HIVEP2: variants seen among roughly 807,000 people sequenced by gnomAD.
HIVEP2 encodes the protein HIVEP zinc finger 2.
Under a neutral mutation model 180.7 loss-of-function variants are expected in HIVEP2, and 14 were observed. The observed-to-expected ratio is 0.08, with a 90% CI of 0.05 to 0.12. The LOEUF (loss-of-function observed/expected upper bound fraction) is 0.12. HIVEP2 is among the 10% of genes least tolerant of loss of function. The pLI is 1.00. For synonymous variants in HIVEP2, 1,184 were observed against 1,136.4 expected, an observed-to-expected ratio of 1.04 and a Z score of -0.84; for missense variants, 2,579 against 3,008.5, an observed-to-expected ratio of 0.86 and a Z score of 3.34.
intron 1 of HIVEP2, among the ~76,000 whole-genome samples, chr6:142,841,371 T>TTAA (rs1562260195): frequency 1.3e-5 from 2 of 152,120 alleles, no homozygotes; most frequent in Non-Finnish European, 2.9e-5. Flanking sequence ...AATGGAACTT[T>TTAA]TGTTCAGACT....
intron 1 of HIVEP2, among the ~76,000 whole-genome samples, chr6:142,871,760 A>C (rs551664488): frequency 6.6e-6 from 1 of 152,158 alleles, no homozygotes; most frequent in Non-Finnish European, 1.5e-5. Flanking sequence ...TAGTTTGCCT[A>C]TCCCCTCCAG....
chr6:142,929,014 G>T (rs887991189), intron 1 of HIVEP2, among the ~76,000 whole-genome samples: 5 of 152,202 alleles, frequency 3.3e-5, no homozygotes, highest in African/African-American at 1.2e-4. Flanking sequence ...TACTGTAGTG[G>T]ATATCTGTTT....
chr6:142,793,659 T>TTTTC (rs1776204378), intron 2 of HIVEP2, among the ~76,000 whole-genome samples: 1 of 106,120 alleles, frequency 9.4e-6, no homozygotes, highest in African/African-American at 3.4e-5. Flanking sequence ...TTTCTTTCTT[T>TTTTC]TTTCTTTCTT....
At chr6:142,824,226 CTG>C (rs1441525761) in intron 2 of HIVEP2, among the ~76,000 whole-genome samples, 2 of 152,092 alleles carry the variant, frequency 1.3e-5, no homozygotes, top group African/African-American at 4.8e-5. Flanking sequence ...AAGAGTCAGT[CTG>C]TTTAAATTTT....
intron 1 of HIVEP2, among the ~76,000 whole-genome samples, chr6:142,914,217 T>G (rs1777492810): frequency 1.3e-5 from 2 of 152,202 alleles, no homozygotes; most frequent in African/African-American, 4.8e-5. Context: ...GTCTACCAAT[T>G]CTAAGACATA....
intron 1 of HIVEP2, among the ~76,000 whole-genome samples, chr6:142,930,605 G>A (rs377463689): frequency 9.2e-5 from 14 of 152,196 alleles, no homozygotes; most frequent in East Asian, 3.9e-4. Context: ...TCATCACCTC[G>A]TACCTTTCGG....
At chr6:142,812,173 C>T (rs1776716028) in intron 2 of HIVEP2, among the ~76,000 whole-genome samples, 1 of 152,134 alleles carries the variant, frequency 6.6e-6, no homozygotes, top group Non-Finnish European at 1.5e-5. Context: ...GGGAGGACAG[C>T]ACTACACCGA....
At chr6:142,787,347 T>C (rs2114709146) in intron 2 of HIVEP2, among the ~76,000 whole-genome samples, 1 of 152,034 alleles carries the variant, frequency 6.6e-6, no homozygotes, top group East Asian at 1.9e-4. Flanking sequence ...GATATGATAG[T>C]TTTATTTCTC....
intron 1 of HIVEP2, among the ~76,000 whole-genome samples, chr6:142,920,475 T>C (rs1479030190): frequency 6.6e-6 from 1 of 152,198 alleles, no homozygotes; most frequent in Non-Finnish European, 1.5e-5. Flanking sequence ...ATGATTCTTA[T>C]TGGATAGCAG....
intron 1 of HIVEP2, among the ~76,000 whole-genome samples, chr6:142,850,521 A>G (rs62430709): frequency 0.18 from 26,966 of 152,244 alleles, 2,572 homozygotes; most frequent in South Asian, 0.22. Context: ...AAAGCTTTAG[A>G]GATCATCCAC....
intron 1 of HIVEP2, among the ~76,000 whole-genome samples, chr6:142,941,986 A>T (rs1778189246): frequency 6.6e-6 from 1 of 152,192 alleles, no homozygotes; most frequent in African/African-American, 2.4e-5. Flanking sequence ...AGCCTGTCTG[A>T]TCCACAGCCA....
intron 1 of HIVEP2, among the ~76,000 whole-genome samples, chr6:142,843,535 G>A (rs945129353): frequency 6.6e-6 from 1 of 152,188 alleles, no homozygotes; most frequent in Non-Finnish European, 1.5e-5. Flanking sequence ...GAGAAAGAAA[G>A]AGCAGGCCAC....
At chr6:142,833,049 A>G (rs1479958212) in intron 2 of HIVEP2, among the ~76,000 whole-genome samples, 3 of 152,204 alleles carry the variant, frequency 2.0e-5, no homozygotes, top group Admixed American at 2.0e-4. Flanking sequence ...ACATTTGAAC[A>G]CTGCCAGTTA....
intron 2 of HIVEP2, among the ~76,000 whole-genome samples, chr6:142,812,961 C>CCA (rs142632120): frequency 0.012 from 1,769 of 152,206 alleles, 27 homozygotes; most frequent in Middle Eastern, 0.037. Flanking sequence ...TACTTGAAGT[C>CCA]CACAATTCTG....
At chr6:142,930,491 C>G (rs1166445466) in intron 1 of HIVEP2, among the ~76,000 whole-genome samples, 3 of 151,718 alleles carry the variant, frequency 2.0e-5, no homozygotes, top group Non-Finnish European at 4.4e-5. Flanking sequence ...CCCTTCAAGG[C>G]TAGCTAACTA....
At chr6:142,763,897 T>C (rs898386398) in intron 7 of HIVEP2, among the ~76,000 whole-genome samples, 7 of 152,330 alleles carry the variant, frequency 4.6e-5, no homozygotes, top group Middle Eastern at 6.8e-3. Flanking sequence ...TCTAGCAATT[T>C]AGGATTTTCA....
chr6:142,911,139 T>TAAAAAAAAAAAAAAAAAAAAAACAAAA (rs5880554), intron 1 of HIVEP2, among the ~76,000 whole-genome samples: 2 of 106,232 alleles, frequency 1.9e-5, no homozygotes, highest in African/African-American at 3.9e-5. Context: ...ACAAACACAT[T>TAAAAAAAAAAAAAAAAAAAAAACAAAA]AAAAAAAAAA....
Position 142,772,133 on chromosome 6 carries a change from A to G in HIVEP2, c.2606T>C (p.Val869Ala). The change falls in exon 5 of 10, where the codon GTG becomes GCG. Residue 869 changes from valine to alanine, a missense_variant. Coordinates refer to ENST00000367603, the MANE Select transcript of HIVEP2 (RefSeq NM_006734.4). This position sits in a 1 kb window ranked among gnomAD's most constrained non-coding sequence, Gnocchi z 4.9. ...CTGTGTGTGATAGGACTGCTGCTGC[A>G]CCTGCTGAGATGGAGAGGGTTTCCC... Reference protein sequence around the residue: ...SGGKPSPSQQVQQQSYHTQPR... With the variant: ...SGGKPSPSQQAQQQSYHTQPR... 6.2e-7 allele frequency: 1 copy of G among 1,614,146 alleles called. No individual in the cohort carries two copies. The highest frequency in any genetic ancestry group is 8.5e-7 in the Non-Finnish European group (1 of 1,180,030).
chr6:142,905,040 GC>G (rs1416310337), intron 1 of HIVEP2, among the ~76,000 whole-genome samples: 1 of 152,066 alleles, frequency 6.6e-6, no homozygotes, highest in African/African-American at 2.4e-5. Flanking sequence ...GATTTGGGTT[GC>G]CCACTTACTT....
Sources: gnomAD v4.1 joint callset for allele counts (sites outside exome capture counted in the v4.1 genomes callset) on GRCh38, gnomAD v4.1.1 for gene constraint, Gnocchi (gnomAD v3.1) non-coding constraint, MANE v1.5 for transcripts, NCBI Gene and HGNC (gene_info 2026-07-23, HGNC 2026-07-21) for gene names.